The following SLC35F4 variants were observed in gnomAD, a reference collection of about 807,000 sequenced individuals.
The protein encoded by SLC35F4 is solute carrier family 35 member F4, also known as chromosome 14 open reading frame 36.
Under a neutral mutation model 44.2 loss-of-function variants are expected in SLC35F4, and 24 were observed. The ratio of observed to expected loss-of-function variants is 0.54; its 90% CI spans 0.39 to 0.76. The LOEUF is 0.76. Ranked by LOEUF, SLC35F4 falls within the 30% of genes least tolerant of loss-of-function variation. The pLI, the probability that SLC35F4 is intolerant of heterozygous loss-of-function variation, is 0.00. For synonymous variants in SLC35F4, 238 were observed against 223.6 expected (o/e 1.06, Z -0.57); for missense variants, 562 against 586.1 (o/e 0.96, Z 0.42).
chr14:57,927,670 T>C (rs888386522), intron 1 of SLC35F4, among the ~76,000 whole-genome samples: 12 of 151,954 alleles, frequency 7.9e-5, no homozygotes, highest in African/African-American at 2.9e-4. Flanking sequence ...TTTGTGTTTT[T>C]AGTAGAGACA....
intron 1 of SLC35F4, among the ~76,000 whole-genome samples, chr14:57,614,303 G>A (rs1286546390): frequency 6.6e-6 from 1 of 152,198 alleles, no homozygotes; most frequent in Non-Finnish European, 1.5e-5. Flanking sequence ...AAAGTTGTTG[G>A]TAATTACTGG....
At chr14:57,668,032 G>C (rs202243330) in intron 1 of SLC35F4, among the ~76,000 whole-genome samples, 2 of 145,440 alleles carry the variant, frequency 1.4e-5, no homozygotes, top group African/African-American at 5.2e-5. Flanking sequence ...CATTCTAACT[G>C]GTGTGAGATG....
At chr14:57,825,311 T>C (rs1883617057) in intron 1 of SLC35F4, among the ~76,000 whole-genome samples, 1 of 152,188 alleles carries the variant, frequency 6.6e-6, no homozygotes, top group African/African-American at 2.4e-5. Flanking sequence ...ATCATTTGGC[T>C]ACATTAAAAG....
chr14:57,785,350 G>A (rs992322838), intron 1 of SLC35F4, among the ~76,000 whole-genome samples: 28 of 152,042 alleles, frequency 1.8e-4, no homozygotes, highest in African/African-American at 5.8e-4. Context: ...TCCATTGCAC[G>A]GCACCCCTGC....
At chr14:57,846,805 G>A (rs1886068674) in intron 1 of SLC35F4, among the ~76,000 whole-genome samples, 1 of 152,100 alleles carries the variant, frequency 6.6e-6, no homozygotes, top group Non-Finnish European at 1.5e-5. Flanking sequence ...AATGTGTCAG[G>A]GGGTTTCAGA....
chr14:57,820,772 C>T (rs557797303), intron 1 of SLC35F4, among the ~76,000 whole-genome samples: 1 of 152,212 alleles, frequency 6.6e-6, no homozygotes, highest in East Asian at 1.9e-4. Flanking sequence ...CATGACAAGG[C>T]ACTGCTTCTA....
At chr14:57,841,252 AG>A (rs1465845125) in intron 1 of SLC35F4, among the ~76,000 whole-genome samples, 1 of 152,194 alleles carries the variant, frequency 6.6e-6, no homozygotes, top group Non-Finnish European at 1.5e-5. Context: ...AAGAGCCCAG[AG>A]GGTGAGCAGG....
At chr14:57,656,372 TATATACACAC>T (rs1268824069) in intron 1 of SLC35F4, among the ~76,000 whole-genome samples, 133 of 86,152 alleles carry the variant, frequency 1.5e-3, no homozygotes, top group African/African-American at 3.8e-3. Flanking sequence ...TATATATATA[TATATACACAC>T]ACACACACAC....
chr14:57,676,976 G>A (rs2074716065), intron 1 of SLC35F4, among the ~76,000 whole-genome samples: 1 of 152,058 alleles, frequency 6.6e-6, no homozygotes, highest in Non-Finnish European at 1.5e-5. Context: ...GTTTATAGCA[G>A]TACAACTCGC....
At chr14:57,912,991 T>C (rs1228759553) in intron 1 of SLC35F4, among the ~76,000 whole-genome samples, 1 of 152,084 alleles carries the variant, frequency 6.6e-6, no homozygotes, top group Non-Finnish European at 1.5e-5. Context: ...CTTTTTTGAG[T>C]ATTGACCCAT....
chr14:57,564,428 GAAAAC>G, intron 7 of SLC35F4, 52 bp from the exon 8 acceptor site: 1 of 1,553,524 alleles, frequency 6.4e-7, no homozygotes, highest in Non-Finnish European at 8.7e-7. Flanking sequence ...TCTAAGCTTT[GAAAAC>G]AAGTCACCAA....
chr14:57,573,914 G>T (rs765749693), intron 4 of SLC35F4, among the ~76,000 whole-genome samples: 3 of 152,154 alleles, frequency 2.0e-5, no homozygotes, highest in Non-Finnish European at 4.4e-5. Flanking sequence ...TGAAGCCAAG[G>T]CTAACAAAAC....
At chr14:57,866,683 T>C (rs1366518124), upstream of SLC35F4, among the ~76,000 whole-genome samples, 2 of 152,160 alleles carry the variant, frequency 1.3e-5, no homozygotes, top group African/African-American at 2.4e-5. Context: ...TTTTCCAATT[T>C]CAAATGCTCT....
At chr14:57,575,490 CA>C (rs1013220425) in intron 4 of SLC35F4, among the ~76,000 whole-genome samples, 3 of 151,450 alleles carry the variant, frequency 2.0e-5, no homozygotes, top group Non-Finnish European at 4.4e-5. Context: ...CAAAAACAAA[CA>C]AAAAAGATGG....
chr14:57,783,144 T>C (rs1173042398), intron 1 of SLC35F4, among the ~76,000 whole-genome samples: 4 of 151,980 alleles, frequency 2.6e-5, no homozygotes, highest in Admixed American at 2.6e-4. Flanking sequence ...ATCCAAAAAG[T>C]ATACCTGTAG....
chr14:57,921,840 G>A (rs1374804715), intron 1 of SLC35F4, among the ~76,000 whole-genome samples: 3 of 152,150 alleles, frequency 2.0e-5, no homozygotes, highest in Non-Finnish European at 2.9e-5. Context: ...ATTAGGTCAC[G>A]TTCTGAGCTG....
chr14:57,909,444 T>C (rs1249485874), intron 1 of SLC35F4, among the ~76,000 whole-genome samples: 2 of 151,824 alleles, frequency 1.3e-5, no homozygotes, highest in Non-Finnish European at 1.5e-5. Flanking sequence ...GCTCCACCAA[T>C]TTACCCCTCC....
chr14:57,662,020 C>A (rs1486270949), intron 1 of SLC35F4, among the ~76,000 whole-genome samples: 1 of 152,130 alleles, frequency 6.6e-6, no homozygotes, highest in Admixed American at 6.6e-5. Context: ...TGATTTAAAA[C>A]CCATTCAAAA....
chr14:57,644,555 T>C (rs1359828690), intron 1 of SLC35F4, among the ~76,000 whole-genome samples: 2 of 152,082 alleles, frequency 1.3e-5, no homozygotes, highest in African/African-American at 4.8e-5. Flanking sequence ...TTTCTCCCAT[T>C]CTGTAGGTTG....
Sources: allele counts gnomAD v4.1 joint callset (sites outside exome capture counted in the v4.1 genomes callset), GRCh38; gene constraint gnomAD v4.1.1; transcripts MANE v1.5; gene names NCBI Gene and HGNC (gene_info 2026-07-23, HGNC 2026-07-21).